USP43: variants seen among roughly 807,000 people sequenced by gnomAD.
USP43 encodes ubiquitin specific peptidase 43.
A neutral mutation model predicts 90.7 loss-of-function variants in USP43; 33 were observed. That is an observed-to-expected ratio of 0.36 (90% CI 0.28 to 0.49). The LOEUF (loss-of-function observed/expected upper bound fraction) is 0.49, where lower values mean the gene tolerates loss of function less well. Ranked by LOEUF, USP43 falls within the 20% of genes least tolerant of loss-of-function variation. The pLI is 0.98. For synonymous variants in USP43, 598 were observed against 615.8 expected (o/e 0.97, Z 0.43); for missense variants, 1,274 against 1,476.4 (o/e 0.86, Z 2.25).
chr17:9,708,894 T>C (rs1378627450), intron 12 of USP43, among the ~76,000 whole-genome samples: 1 of 152,182 alleles, frequency 6.6e-6, no homozygotes, highest in Admixed American at 6.5e-5. Flanking sequence ...CCCAAAGTGC[T>C]GGGATTAAAG....
At chr17:9,722,829 A>G (rs1917036850) in intron 14 of USP43, among the ~76,000 whole-genome samples, 1 of 152,100 alleles carries the variant, frequency 6.6e-6, no homozygotes, top group Admixed American at 6.6e-5. Flanking sequence ...GACAGGGCCT[A>G]GTACTTTCTA....
chr17:9,701,708 T>G lies in USP43; in HGVS notation c.2011+8T>G. The G allele has an allele frequency of 6.6e-7, 1 of 1,515,546 alleles. No homozygotes were observed. Among genetic ancestry groups the G allele is most frequent in the Non-Finnish European group, 8.9e-7 (1 of 1,126,860 alleles). The allele number at this position is 1,515,546 out of a possible 1,614,324, so 93.9% of individuals were successfully genotyped here. On this transcript the variant is annotated splice_region_variant and intron_variant, in intron 12 of 14. Coordinates refer to ENST00000285199, the MANE Select transcript of USP43 (RefSeq NM_153210.5). The surrounding 1 kb of genome is among the most constrained non-coding windows in gnomAD (Gnocchi z 7.2). ...AAGGTGGGCATTACACAGGTGAGCCTTGCCTTGCCTTTCTGCAAATGCAGC... is the reference window on the plus strand; with the variant it reads ...AAGGTGGGCATTACACAGGTGAGCCGTGCCTTGCCTTTCTGCAAATGCAGC...
intron 3 of USP43, among the ~76,000 whole-genome samples, chr17:9,671,688 A>C (rs1267970301): frequency 1.3e-5 from 2 of 152,214 alleles, no homozygotes; most frequent in East Asian, 1.9e-4. Context: ...GGGCCTGTGA[A>C]CATTGAAAGG....
At chr17:9,715,993 ATCTGTGTGTGTG>A (rs1198223833) in intron 14 of USP43, among the ~76,000 whole-genome samples, 20 of 134,042 alleles carry the variant, frequency 1.5e-4, no homozygotes, top group African/African-American at 5.6e-4. Flanking sequence ...GTGTTTGTGT[ATCTGTGTGTGTG>A]TCTGTGTGTG....
intron 9 of USP43, 79 bp from the exon 10 acceptor site, chr17:9,700,093 G>T (rs1915485490): frequency 7.5e-7 from 1 of 1,338,046 alleles, no homozygotes; most frequent in Non-Finnish European, 1.0e-6. Flanking sequence ...CTTGGGTTGT[G>T]GGGGAGACTG....
intron 5 of USP43, among the ~76,000 whole-genome samples, chr17:9,678,444 C>A (rs1267710747): frequency 6.6e-6 from 1 of 152,140 alleles, no homozygotes; most frequent in African/African-American, 2.4e-5. Flanking sequence ...GCAACCTCCG[C>A]CTCCCAGGTT....
chr17:9,691,292 A>G (rs973888810), intron 8 of USP43, among the ~76,000 whole-genome samples: 7 of 150,522 alleles, frequency 4.7e-5, no homozygotes, highest in Non-Finnish European at 1.0e-4. Context: ...TTTTTTTTGT[A>G]TTTTTAGTAG....
intron 1 of USP43, among the ~76,000 whole-genome samples, chr17:9,652,654 C>T (rs1019773340): frequency 6.6e-6 from 1 of 152,102 alleles, no homozygotes. Flanking sequence ...AGCCACCACC[C>T]CTGGCCTGTT....
At chr17:9,721,234 C>T (rs752526593) in intron 14 of USP43, among the ~76,000 whole-genome samples, 8 of 152,116 alleles carry the variant, frequency 5.3e-5, no homozygotes, top group Non-Finnish European at 1.0e-4. Flanking sequence ...TCAGTATGGG[C>T]GCTTCTGATG....
At position 9,676,820 on chromosome 17, in the gene USP43, T is replaced by C. The variant is rs1329441964; in HGVS notation, c.908T>C (p.Leu303Pro). ...FLRVGLAVPI[L>P]STVAALRKMV... Reference sequence around the variant, plus strand: ...CGGGTTGGCCTGGCCGTGCCGATCCTCAGCACAGTGGCAGCCCTGAGGAAG... The same window carrying C: ...CGGGTTGGCCTGGCCGTGCCGATCCCCAGCACAGTGGCAGCCCTGAGGAAG... The change falls in exon 5 of 15, where the codon CTC (leucine) becomes CCC (proline). Residue 303 changes from leucine to proline, a missense_variant. Physicochemically the swap from Leu to Pro is moderately conservative, Grantham distance 98. This residue lies in a region of USP43 where 259 missense variants were observed against 373.7 expected (regional missense o/e 0.69). Coordinates refer to ENST00000285199, the MANE Select transcript of USP43 (RefSeq NM_153210.5). 1 of 1,613,996 alleles carries C rather than the reference T, an allele frequency of 6.2e-7. No individual in the cohort carries two copies. Among genetic ancestry groups the C allele is most frequent in the Non-Finnish European group, 8.5e-7 (1 of 1,179,884 alleles).
At position 9,681,123 on chromosome 17, in the gene USP43, AATATATACTATATAAT is replaced by A. The variant is rs1597843388; in HGVS notation, c.1105+763_1105+778del. ...ATATACTATATAATATATACTATAT[AATATATACTATATAAT>A]ATATACTATATAATATATACTATAT... On this transcript the variant is annotated intron_variant, in intron 6 of 14. Transcript: ENST00000285199. Among the ~76,000 whole-genome samples the A allele has an allele frequency of 4.4e-5, 5 of 113,308 alleles. No individual in the cohort carries two copies. In the East Asian group the frequency reaches 8.3e-4, roughly 19 times the overall value. The allele number at this position is 113,308 out of a possible 152,430, so 74.3% of individuals were successfully genotyped here. A position where few individuals can be genotyped will look rare whatever the true frequency, so the allele number is the denominator to read the frequency against.
chr17:9,694,683 C>T lies in USP43; in HGVS notation c.1457+1453C>T, dbSNP rs574914896. The stretch of plus-strand genomic sequence containing the variant: ...TGTCTTCCAGGCTCAAGTGCAGTGG[C>T]GCCATCTCGGCTCCCTGCACCCTCC... On this transcript the variant is annotated intron_variant, in intron 9 of 14. Coordinates refer to ENST00000285199, the MANE Select transcript of USP43 (RefSeq NM_153210.5). 1.3e-4 allele frequency among the ~76,000 whole-genome samples: 20 copies of T among 152,044 alleles called. No homozygotes were observed. The South Asian group carries it at 2.9e-3, about 22-fold the overall frequency.
At chr17:9,697,065 A>C (rs1245333907) in intron 9 of USP43, among the ~76,000 whole-genome samples, 1 of 152,128 alleles carries the variant, frequency 6.6e-6, no homozygotes, top group Non-Finnish European at 1.5e-5. Context: ...GAAAATACAA[A>C]AATTAGCCAG....
chr17:9,692,091 G>A (rs960106926), intron 8 of USP43, among the ~76,000 whole-genome samples: 3 of 151,822 alleles, frequency 2.0e-5, no homozygotes, highest in Non-Finnish European at 2.9e-5. Flanking sequence ...GGACGTGGTG[G>A]CTCATGCCTG....
intron 2 of USP43, among the ~76,000 whole-genome samples, chr17:9,663,657 C>T (rs1046805585): frequency 1.3e-5 from 2 of 151,498 alleles, no homozygotes; most frequent in African/African-American, 2.4e-5. Flanking sequence ...GAGTTTTGCT[C>T]TTGTTGCCCA....
chr17:9,688,561 G>A (rs1914742848), intron 8 of USP43, among the ~76,000 whole-genome samples: 1 of 152,042 alleles, frequency 6.6e-6, no homozygotes, highest in African/African-American at 2.4e-5. Flanking sequence ...ATGTTGGCCA[G>A]GATGGTCTCA....
chr17:9,682,708 C>A, intron 6 of USP43, 115 bp from the exon 7 acceptor site: 1 of 1,367,750 alleles, frequency 7.3e-7, no homozygotes, highest in Non-Finnish European at 9.8e-7. Flanking sequence ...CTAGTGGCCC[C>A]CCATTGGTGG....
At chr17:9,693,298 G>T (rs1257461842) in intron 9 of USP43, 68 bp downstream of exon 9, 34 of 1,296,874 alleles carry the variant, frequency 2.6e-5, no homozygotes, top group South Asian at 3.8e-5. Context: ...TCCTTTGAGG[G>T]TATATGTCAA....
intron 1 of USP43, among the ~76,000 whole-genome samples, chr17:9,649,527 C>T (rs1911709117): frequency 6.6e-6 from 1 of 151,504 alleles, no homozygotes; most frequent in South Asian, 2.1e-4. Flanking sequence ...TTGTCCCCTG[C>T]CTCCCTCCTT....
Sources: gnomAD v4.1 joint callset for allele counts (sites outside exome capture counted in the v4.1 genomes callset) on GRCh38, gnomAD v4.1.1 for gene constraint, gnomAD v4.1.1 regional missense constraint, Gnocchi (gnomAD v3.1) non-coding constraint, MANE v1.5 for transcripts, NCBI Gene and HGNC (gene_info 2026-07-23, HGNC 2026-07-21) for gene names.